LEO1: variants seen among roughly 807,000 people sequenced by gnomAD.
The protein encoded by LEO1 is RNA polymerase-associated protein LEO1.
A neutral mutation model predicts 80.4 loss-of-function variants in LEO1; 34 were observed. The observed-to-expected ratio is 0.42, with a 90% CI of 0.32 to 0.56. The LOEUF (loss-of-function observed/expected upper bound fraction) is 0.56. LEO1 is among the 20% of genes least tolerant of loss of function. The pLI is 0.10. For synonymous variants in LEO1, 262 were observed against 274.9 expected (o/e 0.95, Z 0.46); for missense variants, 631 against 814.2 (o/e 0.77, Z 2.74).
chr15:51,948,638 T>C (rs923885622), intron 10 of LEO1, among the ~76,000 whole-genome samples: 5 of 152,244 alleles, frequency 3.3e-5, no homozygotes, highest in African/African-American at 7.2e-5. Flanking sequence ...TATTATATTA[T>C]GTAATCTTCA....
chr15:51,971,595 C>T (rs545527572), intron 1 of LEO1, 93 bp downstream of exon 1: 2 of 1,337,754 alleles, frequency 1.5e-6, no homozygotes, highest in African/African-American at 1.4e-5. Flanking sequence ...GAAACGCCAC[C>T]TCTTGCCCGC....
chr15:51,965,625 G>C, intron 2 of LEO1, 124 bp downstream of exon 2: 1 of 1,322,194 alleles, frequency 7.6e-7, no homozygotes, highest in Non-Finnish European at 1.0e-6. Context: ...AGTTAGAAAA[G>C]TTTGAAAGGG....
intron 5 of LEO1, among the ~76,000 whole-genome samples, chr15:51,959,300 G>A (rs529919934): frequency 8.5e-5 from 13 of 152,188 alleles, no homozygotes; most frequent in African/African-American, 2.2e-4. Flanking sequence ...CACCACACCC[G>A]GCCAGTAATT....
At chr15:51,967,337 G>C (rs1243793436) in intron 1 of LEO1, among the ~76,000 whole-genome samples, 1 of 152,210 alleles carries the variant, frequency 6.6e-6, no homozygotes, top group Non-Finnish European at 1.5e-5. Context: ...GCCAGGTATG[G>C]TGGCGCAAGC....
chr15:51,962,164 T>TAA (rs11407897), intron 3 of LEO1, among the ~76,000 whole-genome samples: 194 of 133,784 alleles, frequency 1.5e-3, no homozygotes, highest in East Asian at 0.012. Context: ...CTCTGTCTCT[T>TAA]AAAAAAAAAA....
At position 51,940,329 on chromosome 15, in the gene LEO1, G is replaced by A. The variant is rs181811779; in HGVS notation, c.1897-2069C>T. On this transcript the variant is annotated intron_variant, in intron 11 of 11. Transcript: ENST00000299601. ...TAATCCCAGCACTTTGGGAGGCCGA[G>A]GTGGGCAGATCACGAGGTCAGGAGT... 8.0e-5 allele frequency among the ~76,000 whole-genome samples: 12 copies of A among 150,714 alleles called. No individual in the cohort carries two copies. The East Asian group carries it at 2.3e-3, about 29-fold the overall frequency.
chr15:51,968,840 G>A (rs2057099555), intron 1 of LEO1, among the ~76,000 whole-genome samples: 2 of 151,292 alleles, frequency 1.3e-5, no homozygotes, highest in African/African-American at 2.4e-5. Flanking sequence ...AAAAAAAAAA[G>A]GAAAGTGAAA....
chr15:51,971,338 G>T (rs751469093), intron 1 of LEO1, among the ~76,000 whole-genome samples: 12 of 152,110 alleles, frequency 7.9e-5, no homozygotes, highest in Non-Finnish European at 1.3e-4. Context: ...TTCAAAAACA[G>T]CCCTTACTCT....
intron 11 of LEO1, among the ~76,000 whole-genome samples, chr15:51,940,760 C>G (rs1410293143): frequency 7.4e-6 from 1 of 134,698 alleles, no homozygotes. Flanking sequence ...TTGTCTTTAC[C>G]AAAAAAAAAA....
intron 1 of LEO1, among the ~76,000 whole-genome samples, chr15:51,967,261 T>A (rs1444147803): frequency 6.6e-6 from 1 of 152,134 alleles, no homozygotes; most frequent in African/African-American, 2.4e-5. Context: ...TCACTTGAGG[T>A]CAGGAGTTCG....
intron 11 of LEO1, chr15:51,947,085 T>A: frequency 1.8e-6 from 1 of 544,294 alleles, no homozygotes; most frequent in Non-Finnish European, 3.3e-6. Context: ...AGTCTTATCC[T>A]CCATGCAGCC....
In LEO1 at chr15:51,949,847, A is replaced by G; in HGVS notation, c.1759T>C (p.Leu587=). The change falls in exon 10 of 12, where the codon TTG becomes CTG. Residue 587 remains leucine (L), a synonymous_variant. Transcript: ENST00000299601. ...TTATATCGGTTTTTAATGGCAGCCA[A>G]GCTGATGGACTCCTCGCCTTCCTCC... ...EEEEGEESIS[L]AAIKNRYKGG... 1.2e-6 allele frequency: 2 copies of G among 1,613,970 alleles called. No individual in the cohort carries two copies. The highest frequency in any genetic ancestry group is 1.7e-6 in the Non-Finnish European group (2 of 1,180,026).
At chr15:51,969,811 A>G (rs1217967934) in intron 1 of LEO1, among the ~76,000 whole-genome samples, 1 of 143,440 alleles carries the variant, frequency 7.0e-6, no homozygotes, top group Non-Finnish European at 1.5e-5. Flanking sequence ...ACTGCACTGC[A>G]GCCTGGGAGA....
intron 11 of LEO1, among the ~76,000 whole-genome samples, chr15:51,943,699 CAAA>C (rs5812577): frequency 1.1e-3 from 139 of 122,920 alleles, no homozygotes; most frequent in African/African-American, 4.1e-3. Flanking sequence ...GACCCTGTCT[CAAA>C]AAAAAAAAGA....
rs2141773299 is a variant in LEO1 at position 51,962,471 on chromosome 15, A to T, written c.837T>A (p.Ser279Arg). Residue 279 changes from serine to arginine, a missense_variant, in exon 3 of 12, where the codon AGT (serine) becomes AGA (arginine). Ser to Arg is a moderately radical substitution (Grantham distance 110). Transcript: ENST00000299601. ...GTTTCATTCGTAAAACTTCATCTTC[A>T]CTATCACTGCCTCTTGCAGATTCTA... ...HKSESARGSDSEDEVLRMKRK... is the reference protein window; with the variant it reads ...HKSESARGSDREDEVLRMKRK... The T allele has an allele frequency of 6.2e-7, 1 of 1,612,668 alleles. No individual in the cohort carries two copies. Among genetic ancestry groups the T allele is most frequent in the East Asian group, 2.2e-5 (1 of 44,870 alleles).
At chr15:51,959,498 A>C (rs1166803328) in intron 5 of LEO1, among the ~76,000 whole-genome samples, 1 of 152,232 alleles carries the variant, frequency 6.6e-6, no homozygotes, top group Non-Finnish European at 1.5e-5. Context: ...GAGTAAACTT[A>C]GTAAATAATA....
intron 11 of LEO1, 40 bp from the exon 12 acceptor site, chr15:51,938,300 A>T (rs1195810157): frequency 8.1e-7 from 1 of 1,227,586 alleles, no homozygotes; most frequent in South Asian, 1.3e-5. Flanking sequence ...AAGTCAATAA[A>T]GAACATTTTT....
rs2056818025 is a variant in LEO1 at position 51,938,255 on chromosome 15, A to G, written c.1902T>C (p.Gly634=). The G allele has an allele frequency of 6.4e-7, 1 of 1,565,430 alleles. No individual in the cohort carries two copies. The highest frequency in any genetic ancestry group is 1.4e-5 in the African/African-American group (1 of 73,696). ...KAKKLTSDEE[G]EPSGKRKAED... is the part of the protein sequence containing the mutation. ...CTGCTTTTCTCTTTCCGGAAGGTTC[A>G]CCTTCCTAAACAGATACAATTTTTA... The change falls in exon 12 of 12, where the codon GGT becomes GGC. Residue 634 remains glycine, a synonymous_variant. Coordinates refer to ENST00000299601, the MANE Select transcript of LEO1 (RefSeq NM_138792.4).
chr15:51,947,332 G>A lies in LEO1; in HGVS notation c.1856C>T (p.Ala619Val). 1 of 1,613,614 alleles carries A rather than the reference G, an allele frequency of 6.2e-7. No homozygotes were observed. The highest frequency in any genetic ancestry group is 8.5e-7 in the Non-Finnish European group (1 of 1,179,690). The part of the protein sequence containing the change: ...DSDEGSEEDK[A>V]QRLLKAKKLT... ...TTTCTTTGCTTTGAGTAATCTTTGA[G>A]CTTTATCTTCTTCTGATCCCTCATC... The change falls in exon 11 of 12, where the codon GCT becomes GTT. Residue 619 changes from alanine (A) to valine (V), a missense_variant. Transcript: ENST00000299601.
Sources: allele counts gnomAD v4.1 joint callset (sites outside exome capture counted in the v4.1 genomes callset), GRCh38; gene constraint gnomAD v4.1.1; transcripts MANE v1.5; gene names NCBI Gene and HGNC (gene_info 2026-07-23, HGNC 2026-07-21).